SMC6: variants seen among roughly 807,000 people sequenced by gnomAD.
The protein encoded by SMC6 is structural maintenance of chromosomes protein 6.
In SMC6, 79 loss-of-function variants were observed where a neutral mutation model predicts 142.2. The observed-to-expected ratio is 0.56, with a 90% CI of 0.46 to 0.67. SMC6 has a LOEUF of 0.67. Among genes scored for constraint, SMC6 ranks in the 30% least tolerant of loss-of-function variants. The pLI is 0.00. For missense variants in SMC6, 1,072 were observed against 1,284.0 expected, an observed-to-expected ratio of 0.83 and a Z score of 2.52; for synonymous variants, 411 against 412.4, an observed-to-expected ratio of 1.00 and a Z score of 0.04.
chr2:17,728,964 G>T (rs1027238714), intron 7 of SMC6, among the ~76,000 whole-genome samples: 1 of 151,988 alleles, frequency 6.6e-6, no homozygotes, highest in Admixed American at 6.6e-5. Flanking sequence ...TGGCCAGCCT[G>T]GTCTTGAACT....
intron 23 of SMC6, among the ~76,000 whole-genome samples, chr2:17,693,551 G>C (rs967257642): frequency 8.6e-5 from 13 of 151,996 alleles, no homozygotes; most frequent in East Asian, 1.9e-4. Context: ...GCTGTGTGGT[G>C]GGGGGAGGGA....
At position 17,703,310 on chromosome 2, in the gene SMC6, A is replaced by G; in HGVS notation, c.2007-18T>C. On this transcript the variant is annotated intron_variant, in intron 18 of 27. Transcript: ENST00000448223. ...CCAAGTCACTTGATAGGAAAGGAGAAGATAGAAAATACTTTAAATCTTTTT... is the reference window on the plus strand; with the variant it reads ...CCAAGTCACTTGATAGGAAAGGAGAGGATAGAAAATACTTTAAATCTTTTT... 1 of 1,584,024 alleles carries G rather than the reference A, an allele frequency of 6.3e-7. No individual in the cohort carries two copies. The highest frequency in any genetic ancestry group is 2.3e-5 in the East Asian group (1 of 44,438).
At chr2:17,730,369 A>G (rs1205382588) in intron 7 of SMC6, among the ~76,000 whole-genome samples, 1 of 151,606 alleles carries the variant, frequency 6.6e-6, no homozygotes, top group Non-Finnish European at 1.5e-5. Flanking sequence ...TTAAGAATTT[A>G]GCAACTTTAG....
intron 12 of SMC6, 98 bp downstream of exon 12, chr2:17,717,979 A>G (rs1463262109): frequency 3.9e-6 from 5 of 1,272,628 alleles, no homozygotes; most frequent in Admixed American, 4.9e-5. Context: ...GAGCAAGACT[A>G]TTTCAAAAAA....
intron 27 of SMC6, among the ~76,000 whole-genome samples, chr2:17,666,099 G>C (rs979816024): frequency 6.6e-6 from 1 of 152,190 alleles, no homozygotes; most frequent in African/African-American, 2.4e-5. Flanking sequence ...AAAGAGGCAA[G>C]ATTAGGGAAA....
intron 21 of SMC6, among the ~76,000 whole-genome samples, chr2:17,698,391 T>G (rs1668111781): frequency 6.6e-6 from 1 of 152,098 alleles, no homozygotes; most frequent in African/African-American, 2.4e-5. Flanking sequence ...TTGCTTCCCT[T>G]ATGTTACAGC....
chr2:17,726,142 G>C (rs924631880), intron 8 of SMC6, among the ~76,000 whole-genome samples: 1 of 140,466 alleles, frequency 7.1e-6, no homozygotes, highest in Admixed American at 7.1e-5. Flanking sequence ...GTATGTAGGA[G>C]CAACTGTTAC....
At position 17,731,135 on chromosome 2, in the gene SMC6, G is replaced by T; in HGVS notation, c.486C>A (p.Ser162=). The T allele has an allele frequency of 6.2e-7, 1 of 1,610,250 alleles. No individual in the cohort carries two copies. Among genetic ancestry groups the T allele is most frequent in the East Asian group, 2.2e-5 (1 of 44,720 alleles). Residue 162 remains serine, a synonymous_variant, in exon 7 of 28, where the codon TCC becomes TCA. Transcript: ENST00000448223. ...GCTCTTCTTTCCTCGTGGAAACCACGGAGCCTAGTTATAAGAAACATATGA... is the reference window on the plus strand; with the variant it reads ...GCTCTTCTTTCCTCGTGGAAACCACTGAGCCTAGTTATAAGAAACATATGA... ...RSYKLKSATG[S]VVSTRKEELI... is the part of the protein sequence containing the mutation.
chr2:17,723,497 G>C (rs1268862139), intron 9 of SMC6, among the ~76,000 whole-genome samples: 3 of 152,100 alleles, frequency 2.0e-5, no homozygotes, highest in African/African-American at 7.2e-5. Flanking sequence ...TCTTGCCCCT[G>C]AGGCTTTAAC....
rs567206724 is a variant in SMC6 at position 17,669,373 on chromosome 2, A to T, written c.3063+1050T>A. ...TGTCAGGATGTGGTGCTATGAGTTG[A>T]TAGGTATCTGTCCATACGCAGGTAG... On this transcript the variant is annotated intron_variant, in intron 26 of 27. Coordinates refer to ENST00000448223, the MANE Select transcript of SMC6 (RefSeq NM_001142286.2). 4.8e-4 allele frequency among the ~76,000 whole-genome samples: 73 copies of T among 152,288 alleles called. 2 individuals are homozygous for T. Among genetic ancestry groups the T allele is most frequent in the African/African-American group, 1.6e-3 (67 of 41,562 alleles).
chr2:17,751,246 C>T (rs944974850), intron 2 of SMC6, among the ~76,000 whole-genome samples: 3 of 151,696 alleles, frequency 2.0e-5, no homozygotes, highest in African/African-American at 7.3e-5. Flanking sequence ...TTTGGGAGGC[C>T]GAGATGGATG....
chr2:17,670,335 T>C, intron 26 of SMC6, 88 bp downstream of exon 26: 8 of 1,375,526 alleles, frequency 5.8e-6, no homozygotes, highest in Non-Finnish European at 7.9e-6. Context: ...CTGTTAGGGG[T>C]AAAACTAAAG....
chr2:17,739,928 A>ACACACACAC (rs60667679), intron 4 of SMC6, among the ~76,000 whole-genome samples: 1 of 143,904 alleles, frequency 6.9e-6, no homozygotes, highest in Non-Finnish European at 1.5e-5. Context: ...ACACACACAC[A>ACACACACAC]GAATATGGTA....
At chr2:17,739,825 CACACACACACACACACACAG>C (rs1483390000) in intron 4 of SMC6, among the ~76,000 whole-genome samples, 14 of 113,030 alleles carry the variant, frequency 1.2e-4, no homozygotes, top group East Asian at 4.2e-4. Context: ...TCTTTAAACA[CACACACACACACACACACAG>C]ACACACACAC....
intron 26 of SMC6, among the ~76,000 whole-genome samples, chr2:17,667,524 T>C (rs531237948): frequency 3.9e-5 from 6 of 152,296 alleles, no homozygotes; most frequent in East Asian, 1.9e-4. Context: ...CATTGACATA[T>C]GAACATGTAT....
intron 2 of SMC6, 195 bp from the exon 3 acceptor site, chr2:17,746,146 A>G (rs942348147): frequency 7.8e-5 from 40 of 514,044 alleles, no homozygotes; most frequent in Non-Finnish European, 1.1e-4. Flanking sequence ...GGAAAAGGCA[A>G]GGAAATAGAT....
At chr2:17,743,297 C>A (rs929438735) in intron 3 of SMC6, among the ~76,000 whole-genome samples, 5 of 152,202 alleles carry the variant, frequency 3.3e-5, no homozygotes, top group African/African-American at 1.2e-4. Context: ...GCTGTCTAAT[C>A]CGTGAGTAAG....
At chr2:17,725,216 T>G (rs180862315) in intron 9 of SMC6, 41 bp downstream of exon 9, 1 of 1,358,642 alleles carries the variant, frequency 7.4e-7, no homozygotes, top group East Asian at 2.3e-5. Flanking sequence ...CTATAAGAAT[T>G]TGGCTGATCT....
In SMC6 at chr2:17,707,245, T is replaced by C; in HGVS notation, c.1980A>G (p.Leu660=). 6.3e-7 allele frequency: 1 copy of C among 1,599,186 alleles called. No homozygotes were observed. Among genetic ancestry groups the C allele is most frequent in the Non-Finnish European group, 8.5e-7 (1 of 1,173,868 alleles). Reference sequence around the variant, plus strand: ...TTATTTCAGAATCCACATCTCTGCTTAGGAACTTAGGTCTTGTATTTTCAG... The same window carrying C: ...TTATTTCAGAATCCACATCTCTGCTCAGGAACTTAGGTCTTGTATTTTCAG... The part of the protein sequence containing the change: ...YSSENTRPKF[L]SRDVDSEISD... Residue 660 remains leucine (L), a synonymous_variant, in exon 18 of 28, where the codon CTA becomes CTG. Transcript: ENST00000448223.
Sources: allele counts gnomAD v4.1 joint callset (sites outside exome capture counted in the v4.1 genomes callset), GRCh38; gene constraint gnomAD v4.1.1; transcripts MANE v1.5; gene names NCBI Gene and HGNC (gene_info 2026-07-23, HGNC 2026-07-21).